The following LOC400499 variants were observed in gnomAD, a reference collection of about 807,000 sequenced individuals.
At chr16:11,409,725 A>G in the LOC400499 span, among the ~76,000 whole-genome samples, 10 of 152,228 alleles carry the variant, frequency 6.6e-5, no homozygotes, top group Non-Finnish European at 8.8e-5. Context: ...AGTTTCTGGA[A>G]TGTTGTAATT....
chr16:11,399,261 T>A, the LOC400499 span: 2 of 985,070 alleles, frequency 2.0e-6, no homozygotes, highest in Admixed American at 1.2e-4. Flanking sequence ...TTCCCCTTGC[T>A]TTTCTTGTCT....
chr16:11,439,771 A>C, the LOC400499 span, among the ~76,000 whole-genome samples: 12 of 152,032 alleles, frequency 7.9e-5, no homozygotes, highest in African/African-American at 1.2e-4. Flanking sequence ...TTGCTTAGGA[A>C]GTGACATCCT....
At chr16:11,449,929 TG>T in the LOC400499 span, among the ~76,000 whole-genome samples, 145 of 152,330 alleles carry the variant, frequency 9.5e-4, 1 homozygote, top group African/African-American at 3.3e-3. Context: ...GCCCTCTGGT[TG>T]GGTGAAGGGC....
chr16:11,399,176 T>TCTCCCTCCG, the LOC400499 span: 1 of 981,246 alleles, frequency 1.0e-6, no homozygotes. Flanking sequence ...GAGCTCCCGA[T>TCTCCCTCCG]CTCCCTCCGC....
At chr16:11,519,490 A>C in the LOC400499 span, among the ~76,000 whole-genome samples, 1 of 152,180 alleles carries the variant, frequency 6.6e-6, no homozygotes, top group South Asian at 2.1e-4. Context: ...TAATCCCAGC[A>C]CTTTGGGAGG....
At chr16:11,394,258 C>T in the LOC400499 span, among the ~76,000 whole-genome samples, 4 of 152,314 alleles carry the variant, frequency 2.6e-5, no homozygotes, top group South Asian at 8.3e-4. Flanking sequence ...GCCTTGGGGG[C>T]ACGGCAGGGA....
chr16:11,422,005 T>C, the LOC400499 span, among the ~76,000 whole-genome samples: 1 of 152,258 alleles, frequency 6.6e-6, no homozygotes, highest in Non-Finnish European at 1.5e-5. Context: ...AAACACTCTG[T>C]AGTTCCCCAC....
At chr16:11,383,680 G>C in the LOC400499 span, 60 of 1,232,490 alleles carry the variant, frequency 4.9e-5, no homozygotes, top group East Asian at 1.1e-3. Context: ...GAATCCACGG[G>C]CACACAGGTG....
chr16:11,441,670 A>T, the LOC400499 span, among the ~76,000 whole-genome samples: 1 of 152,206 alleles, frequency 6.6e-6, no homozygotes, highest in Non-Finnish European at 1.5e-5. Context: ...CAGGGGTCCT[A>T]TGAGACGGAG....
chr16:11,376,229 T>G, the LOC400499 span, among the ~76,000 whole-genome samples: 1 of 152,242 alleles, frequency 6.6e-6, no homozygotes, highest in Admixed American at 6.5e-5. Flanking sequence ...TTGTTGCTTG[T>G]GCCTTTGGTG....
chr16:11,400,481 A>AC, the LOC400499 span, among the ~76,000 whole-genome samples: 5,582 of 136,224 alleles, frequency 0.041, 358 homozygotes, highest in African/African-American at 0.14. Flanking sequence ...TCACTCTGTT[A>AC]CCAGGCTGGA....
chr16:11,480,884 C>A, the LOC400499 span, among the ~76,000 whole-genome samples: 14 of 152,268 alleles, frequency 9.2e-5, no homozygotes, highest in South Asian at 1.7e-3. Flanking sequence ...AATTTTAAAC[C>A]AAAGTCAGAC....
the LOC400499 span, among the ~76,000 whole-genome samples, chr16:11,510,770 A>T: frequency 6.6e-6 from 1 of 151,486 alleles, no homozygotes; most frequent in Non-Finnish European, 1.5e-5. Context: ...GAATCTGCAA[A>T]CCTAAGGAGA....
chr16:11,520,489 T>C, the LOC400499 span, among the ~76,000 whole-genome samples: 7 of 152,128 alleles, frequency 4.6e-5, no homozygotes, highest in Admixed American at 1.3e-4. Flanking sequence ...AAATCTCATC[T>C]CTACTAAAAG....
At chr16:11,417,069 T>C in the LOC400499 span, among the ~76,000 whole-genome samples, 4 of 152,042 alleles carry the variant, frequency 2.6e-5, no homozygotes, top group Admixed American at 1.3e-4. Context: ...CTTCCCACCA[T>C]AATGGGTTGA....
chr16:11,445,085 T>C, the LOC400499 span, among the ~76,000 whole-genome samples: 8,897 of 75,772 alleles, frequency 0.12, 343 homozygotes, highest in African/African-American at 0.2. Flanking sequence ...TGAGACTTTG[T>C]CTTTAAAAAA....
At chr16:11,522,762 C>T in the LOC400499 span, among the ~76,000 whole-genome samples, 1 of 152,128 alleles carries the variant, frequency 6.6e-6, no homozygotes, top group Non-Finnish European at 1.5e-5. Flanking sequence ...TCAAGTGGGG[C>T]TGGCAGGGGT....
the LOC400499 span, among the ~76,000 whole-genome samples, chr16:11,423,783 A>G: frequency 6.6e-6 from 1 of 152,194 alleles, no homozygotes; most frequent in Non-Finnish European, 1.5e-5. Flanking sequence ...CTGAGAGACC[A>G]GGGCCTCTAC....
At chr16:11,448,887 C>T in the LOC400499 span, 2 of 1,425,674 alleles carry the variant, frequency 1.4e-6, no homozygotes, top group Non-Finnish European at 1.9e-6. Context: ...ATTCGGTGGT[C>T]TCTTGGCTGC....
Sources: allele counts gnomAD v4.1 joint callset (sites outside exome capture counted in the v4.1 genomes callset), GRCh38; gene constraint gnomAD v4.1.1; transcripts MANE v1.5.